NXNL2: variants seen among roughly 807,000 people sequenced by gnomAD.
NXNL2 encodes the protein nucleoredoxin-like protein 2.
A neutral mutation model predicts 11.1 loss-of-function variants in NXNL2; 7 were observed. The observed-to-expected ratio is 0.63, with a 90% confidence interval of 0.36 to 1.18. The LOEUF is 1.18. Ranked by LOEUF, NXNL2 falls within the 50% of genes most tolerant of loss-of-function variation. The pLI is 0.02. For synonymous variants in NXNL2, 109 were observed against 101.8 expected (o/e 1.07, Z -0.42); for missense variants, 233 against 217.7 (o/e 1.07, Z -0.44).
chr9:88,548,310 G>C (rs151015192), downstream of NXNL2, among the ~76,000 whole-genome samples: 1,180 of 113,814 alleles, frequency 0.01, 21 homozygotes, highest in African/African-American at 0.039. Flanking sequence ...TTGCACTCCA[G>C]CCTGGGCAAC....
At chr9:88,570,577 G>A (rs1830246153) in intron 1 of NXNL2, among the ~76,000 whole-genome samples, 1 of 151,868 alleles carries the variant, frequency 6.6e-6, no homozygotes, top group South Asian at 2.1e-4. Context: ...TGGAGATAAT[G>A]ATCACACCTA....
intron 1 of NXNL2, among the ~76,000 whole-genome samples, chr9:88,558,319 A>G (rs1245063773): frequency 2.0e-5 from 3 of 152,152 alleles, no homozygotes; most frequent in Non-Finnish European, 4.4e-5. Context: ...GAACACGTAG[A>G]GATTCCTGGA....
Position 88,572,980 on chromosome 9 carries a change from G to A in NXNL2, c.*16+1772G>A, listed in dbSNP as rs114346754. On this transcript the variant is annotated intron_variant, in intron 2 of 2. Transcript: ENST00000375855. Reference sequence around the variant, plus strand: ...TACTGTTGAAATTAGCACCCTGTGTGGGCCTGGGTAATCTTGCTCAATCCC... The same window carrying A: ...TACTGTTGAAATTAGCACCCTGTGTAGGCCTGGGTAATCTTGCTCAATCCC... 9.7e-3 allele frequency among the ~76,000 whole-genome samples: 1,483 copies of A among 152,250 alleles called. 28 individuals carry two copies. Among genetic ancestry groups the A allele is most frequent in the African/African-American group, 0.034 (1,400 of 41,536 alleles).
chr9:88,558,667 C>G (rs77503749), intron 1 of NXNL2, among the ~76,000 whole-genome samples: 4,788 of 152,064 alleles, frequency 0.031, 244 homozygotes, highest in African/African-American at 0.11. Flanking sequence ...CCTACATATC[C>G]CAACCTGCCT....
chr9:88,560,890 G>T (rs1298479242), intron 1 of NXNL2, among the ~76,000 whole-genome samples: 8 of 152,156 alleles, frequency 5.3e-5, no homozygotes, highest in Non-Finnish European at 1.2e-4. Flanking sequence ...CAGCAGAGAT[G>T]GATATTGAGA....
At chr9:88,550,677 C>T (rs1829918591) in intron 1 of NXNL2, among the ~76,000 whole-genome samples, 1 of 152,082 alleles carries the variant, frequency 6.6e-6, no homozygotes, top group Non-Finnish European at 1.5e-5. Context: ...TGAGCTCTGG[C>T]CTGTGGGTGT....
rs564595189 is a variant in NXNL2, at chr9:88,569,659, TA to T, written c.303-1426del. ...ATTGTTATTAAGTGTTTTAAAATTT[TA>T]ATCAGGAATTCTGAATTTTTAAAGT... On this transcript the variant is annotated intron_variant, in intron 1 of 2. Coordinates refer to the NXNL2 transcript ENST00000375855. 2.1e-3 allele frequency among the ~76,000 whole-genome samples: 317 copies of T among 152,360 alleles called. 5 individuals carry two copies. Among genetic ancestry groups the T allele is most frequent in the East Asian group, 1.2e-3 (6 of 5,190 alleles).
downstream of NXNL2, among the ~76,000 whole-genome samples, chr9:88,577,456 A>G (rs928498249): frequency 6.6e-6 from 1 of 152,086 alleles, no homozygotes; most frequent in Admixed American, 6.5e-5. Context: ...GCTGCCTCAC[A>G]TGATACCACA....
At chr9:88,576,297 A>C (rs1830347746), downstream of NXNL2, among the ~76,000 whole-genome samples, 2 of 152,218 alleles carry the variant, frequency 1.3e-5, no homozygotes, top group South Asian at 4.1e-4. Context: ...ACAGCGATGG[A>C]CCTAGACTTC....
In NXNL2 at chr9:88,563,733, C is replaced by A. The variant is rs117579923; in HGVS notation, c.303-7354C>A. Among the ~76,000 whole-genome samples, 655 of 152,262 alleles carry A rather than the reference C, an allele frequency of 4.3e-3. 3 individuals carry two copies. The highest frequency in any genetic ancestry group is 5.6e-3 in the Non-Finnish European group (381 of 68,016). The stretch of plus-strand genomic sequence containing the variant: ...CCTTTCTCCCCTCCAGACACACCAC[C>A]CTCTCCTCTCAAGAGCTTGTGGCTG... On this transcript the variant is annotated intron_variant, in intron 1 of 2. Coordinates refer to the NXNL2 transcript ENST00000375855.
At chr9:88,582,361 C>T (rs1330791752) in intron 1 of NXNL2, among the ~76,000 whole-genome samples, 4 of 151,964 alleles carry the variant, frequency 2.6e-5, no homozygotes, top group African/African-American at 7.3e-5. Flanking sequence ...CCCAGCTACT[C>T]GGGAGGCTGA....
chr9:88,552,390 G>A (rs1829947485), intron 1 of NXNL2, among the ~76,000 whole-genome samples: 1 of 151,674 alleles, frequency 6.6e-6, no homozygotes, highest in South Asian at 2.1e-4. Context: ...AATTTTACAA[G>A]GAAGACTCCT....
chr9:88,561,712 C>T (rs1411845126), intron 1 of NXNL2, among the ~76,000 whole-genome samples: 2 of 152,072 alleles, frequency 1.3e-5, no homozygotes, highest in Non-Finnish European at 2.9e-5. Context: ...CCCAATGTGC[C>T]GAGAACCTCT....
intron 1 of NXNL2, among the ~76,000 whole-genome samples, chr9:88,538,553 C>T (rs549179196): frequency 2.0e-5 from 3 of 152,214 alleles, no homozygotes; most frequent in Non-Finnish European, 4.4e-5. Context: ...TGTCTCCTCA[C>T]GGTGGCAGAA....
chr9:88,579,935 C>T (rs982311837), downstream of NXNL2, among the ~76,000 whole-genome samples: 1 of 151,918 alleles, frequency 6.6e-6, no homozygotes. Flanking sequence ...TCGAGACCCT[C>T]CTGACTAACA....
chr9:88,576,983 TCCCAACTCCCAAGC>T (rs1429888222), downstream of NXNL2, among the ~76,000 whole-genome samples: 1 of 151,780 alleles, frequency 6.6e-6, no homozygotes, highest in Non-Finnish European at 1.5e-5. Flanking sequence ...GGGTCCCAGC[TCCCAACTCCCAAGC>T]CCCAGGCTAC....
chr9:88,535,874 T>G, intron 1 of NXNL2, 138 bp downstream of exon 1: 4 of 670,022 alleles, frequency 6.0e-6, no homozygotes, highest in South Asian at 2.0e-5. Flanking sequence ...ACGTCCGGAC[T>G]CCGGTAAATC....
chr9:88,547,234 T>G (rs1829857307), downstream of NXNL2, among the ~76,000 whole-genome samples: 1 of 152,208 alleles, frequency 6.6e-6, no homozygotes, highest in Non-Finnish European at 1.5e-5. Flanking sequence ...TGGGGCATCT[T>G]TATCAAAGCC....
chr9:88,576,599 G>A (rs996107111), downstream of NXNL2, among the ~76,000 whole-genome samples: 6 of 152,196 alleles, frequency 3.9e-5, no homozygotes, highest in Admixed American at 3.9e-4. Flanking sequence ...GGGGAAGAGG[G>A]AGAATGGCCA....
Sources: allele counts gnomAD v4.1 joint callset (sites outside exome capture counted in the v4.1 genomes callset), GRCh38; gene constraint gnomAD v4.1.1; transcripts MANE v1.5; gene names NCBI Gene and HGNC (gene_info 2026-07-23, HGNC 2026-07-21).